Variants in SLIT2 observed in about 807,000 individuals in gnomAD.
SLIT2 encodes slit guidance ligand 2.
A neutral mutation model predicts 185.7 loss-of-function variants in SLIT2; 41 were observed. The ratio of observed to expected loss-of-function variants is 0.22; its 90% confidence interval spans 0.17 to 0.29. SLIT2 has a LOEUF of 0.29. Ranked by LOEUF, SLIT2 falls within the 10% of genes least tolerant of loss-of-function variation. SLIT2 has a pLI of 1.00. For missense variants in SLIT2, 1,571 were observed against 1,909.0 expected, an observed-to-expected ratio of 0.82 and a Z score of 3.30; for synonymous variants, 693 against 680.2, an observed-to-expected ratio of 1.02 and a Z score of -0.29.
chr4:20,463,472 T>C (rs1396838599), intron 4 of SLIT2, among the ~76,000 whole-genome samples: 3 of 115,696 alleles, frequency 2.6e-5, no homozygotes, highest in African/African-American at 1.0e-4. Context: ...TATATATATA[T>C]ATATATATAT....
chr4:20,356,787 G>T (rs571503479), intron 4 of SLIT2, among the ~76,000 whole-genome samples: 2 of 152,196 alleles, frequency 1.3e-5, no homozygotes, highest in East Asian at 3.9e-4. Context: ...GCCTGGAAAC[G>T]CTCCTTCTTC....
intron 3 of SLIT2, among the ~76,000 whole-genome samples, chr4:20,260,091 A>T (rs1421523126): frequency 6.6e-6 from 1 of 152,020 alleles, no homozygotes; most frequent in Admixed American, 6.6e-5. Flanking sequence ...TGTGAAACAA[A>T]CTATTTTAAA....
At chr4:20,463,491 A>ATATATATATG (rs1491274435) in intron 4 of SLIT2, among the ~76,000 whole-genome samples, 22 of 96,198 alleles carry the variant, frequency 2.3e-4, no homozygotes, top group South Asian at 3.6e-4. Context: ...ATATATATAT[A>ATATATATATG]TGTGTGTGTG....
chr4:20,449,147 C>T (rs1408683682), intron 4 of SLIT2, among the ~76,000 whole-genome samples: 3 of 151,894 alleles, frequency 2.0e-5, no homozygotes, highest in Admixed American at 6.6e-5. Context: ...CAATTGTTTT[C>T]AATTAAAGTG....
intron 24 of SLIT2, among the ~76,000 whole-genome samples, chr4:20,550,181 C>T (rs936922249): frequency 1.3e-5 from 2 of 151,982 alleles, no homozygotes; most frequent in Non-Finnish European, 2.9e-5. Context: ...AGTTATTCTG[C>T]GTTCCTGTCT....
chr4:20,524,086 G>T lies in SLIT2; in HGVS notation c.1347G>T (p.Pro449=), dbSNP rs1201860391. The change falls in exon 14 of 37, where the codon CCG becomes CCT. Residue 449 remains proline (P), a synonymous_variant. Transcript: ENST00000504154. The part of the protein sequence containing the change: ...KWLADYLHTN[P]IETSGARCTS... Reference sequence around the variant, plus strand: ...TAGCGGATTATCTCCATACCAACCCGATTGAGACCAGTGGTGCCCGTTGCA... The same window carrying T: ...TAGCGGATTATCTCCATACCAACCCTATTGAGACCAGTGGTGCCCGTTGCA... 5.0e-6 allele frequency: 8 copies of T among 1,614,050 alleles called. No individual in the cohort carries two copies. The highest frequency in any genetic ancestry group is 1.3e-5 in the African/African-American group (1 of 75,018).
intron 26 of SLIT2, among the ~76,000 whole-genome samples, chr4:20,556,752 A>G (rs79346073): frequency 3.3e-5 from 5 of 151,760 alleles, no homozygotes; most frequent in Admixed American, 6.6e-5. Flanking sequence ...AACAACAAAA[A>G]TGTAGCAAGG....
At chr4:20,425,184 T>A (rs946626460) in intron 4 of SLIT2, among the ~76,000 whole-genome samples, 1 of 152,188 alleles carries the variant, frequency 6.6e-6, no homozygotes, top group Non-Finnish European at 1.5e-5. Context: ...CTTATTTTTT[T>A]AATTAATGAC....
intron 4 of SLIT2, among the ~76,000 whole-genome samples, chr4:20,388,780 A>G (rs1445806599): frequency 8.8e-4 from 60 of 68,470 alleles, no homozygotes; most frequent in African/African-American, 2.3e-3. Flanking sequence ...TCTCAGGGGA[A>G]AAAAAAAAAA....
At position 20,616,963 on chromosome 4, in the gene SLIT2, G is replaced by C. The variant is rs751793597; in HGVS notation, c.3901G>C (p.Gly1301Arg). The change falls in exon 35 of 37, where the codon GGA (glycine) becomes CGA (arginine). Residue 1301 changes from glycine to arginine, a missense_variant. Gly to Arg is a moderately radical substitution (Grantham distance 125, BLOSUM62 -2). Around this residue, in one of 3 missense-constraint regions of SLIT2, gnomAD observed 146 missense variants for 247.4 expected, o/e 0.59. Coordinates refer to ENST00000504154, the MANE Select transcript of SLIT2 (RefSeq NM_004787.4). ...TCTGCGCCAGGCCCCTGGGCAGAAC[G>C]GAACCAGCTTCCACGGCTGCATCCG... The part of the protein sequence containing the change: ...ASLRQAPGQN[G>R]TSFHGCIRNL... 1 of 1,613,824 alleles carries C rather than the reference G, an allele frequency of 6.2e-7. No homozygotes were observed. Among genetic ancestry groups the C allele is most frequent in the African/African-American group, 1.3e-5 (1 of 75,064 alleles).
intron 5 of SLIT2, among the ~76,000 whole-genome samples, chr4:20,470,318 A>G (rs890740984): frequency 6.6e-6 from 1 of 152,170 alleles, no homozygotes; most frequent in African/African-American, 2.4e-5. Flanking sequence ...TGAAGTTACA[A>G]AATGGAAAAA....
intron 4 of SLIT2, among the ~76,000 whole-genome samples, chr4:20,293,213 A>T (rs1716139005): frequency 6.6e-6 from 1 of 152,220 alleles, no homozygotes; most frequent in Non-Finnish European, 1.5e-5. Context: ...TGCCAGACTA[A>T]GAACTTCATT....
At chr4:20,546,185 C>T in intron 22 of SLIT2, 86 bp downstream of exon 22, 1 of 681,446 alleles carries the variant, frequency 1.5e-6, no homozygotes, top group Admixed American at 2.7e-5. Flanking sequence ...GTGAACCTTC[C>T]AGATAATACA....
At chr4:20,532,786 T>G (rs1721920333) in intron 17 of SLIT2, among the ~76,000 whole-genome samples, 2 of 152,236 alleles carry the variant, frequency 1.3e-5, no homozygotes, top group Non-Finnish European at 2.9e-5. Flanking sequence ...CCCAAATGGT[T>G]TCTGATATCT....
At chr4:20,547,465 T>C (rs563783362) in intron 22 of SLIT2, among the ~76,000 whole-genome samples, 24 of 152,184 alleles carry the variant, frequency 1.6e-4, no homozygotes, top group Non-Finnish European at 2.9e-4. Context: ...TTTTAAAATT[T>C]AGGAATAGTT....
chr4:20,512,666 A>C (rs753923540), intron 11 of SLIT2, among the ~76,000 whole-genome samples: 3 of 152,192 alleles, frequency 2.0e-5, no homozygotes, highest in Non-Finnish European at 4.4e-5. Context: ...CAGTAATACT[A>C]TCCAGAGTAA....
rs115203021 is a variant in SLIT2, at chr4:20,391,666, T to G, written c.396-76086T>G. Among the ~76,000 whole-genome samples, 731 of 152,226 alleles carry G rather than the reference T, an allele frequency of 4.8e-3. 5 individuals are homozygous for G. Among genetic ancestry groups the G allele is most frequent in the African/African-American group, 0.017 (692 of 41,578 alleles). ...ATACAATACTGGATGGTGGAATAGT[T>G]GAGTAAATGATTGGCGACCTGGTTA... On this transcript the variant is annotated intron_variant, in intron 4 of 36. Transcript: ENST00000504154.
chr4:20,599,720 A>G (rs559956307), intron 33 of SLIT2, among the ~76,000 whole-genome samples: 3 of 152,190 alleles, frequency 2.0e-5, no homozygotes, highest in Non-Finnish European at 4.4e-5. Context: ...TCCTTTAGAT[A>G]TCAGTGTGCA....
At chr4:20,272,996 C>T (rs1713787757) in intron 4 of SLIT2, among the ~76,000 whole-genome samples, 1 of 151,962 alleles carries the variant, frequency 6.6e-6, no homozygotes, top group African/African-American at 2.4e-5. Flanking sequence ...ATTTCATTGG[C>T]CAGGTCATAA....
Sources: allele counts gnomAD v4.1 joint callset (sites outside exome capture counted in the v4.1 genomes callset), GRCh38; gene constraint gnomAD v4.1.1; regional missense constraint gnomAD v4.1.1; transcripts MANE v1.5; gene names NCBI Gene and HGNC (gene_info 2026-07-23, HGNC 2026-07-21).